HNF4G: variants seen among roughly 807,000 people sequenced by gnomAD.
HNF4G encodes hepatocyte nuclear factor 4 gamma.
Under a neutral mutation model 50.9 loss-of-function variants are expected in HNF4G, and 21 were observed. The ratio of observed to expected loss-of-function variants is 0.41; its 90% CI spans 0.29 to 0.59. The LOEUF (loss-of-function observed/expected upper bound fraction) is 0.59. Among genes scored for constraint, HNF4G ranks in the 20% least tolerant of loss-of-function variants. HNF4G has a pLI of 0.26. For missense variants in HNF4G, 527 were observed against 559.4 expected (o/e 0.94, Z 0.58); for synonymous variants, 198 against 185.6 (o/e 1.07, Z -0.54).
chr8:75,549,770 C>T (rs1372644248), intron 3 of HNF4G, among the ~76,000 whole-genome samples: 2 of 151,928 alleles, frequency 1.3e-5, no homozygotes, highest in East Asian at 1.9e-4. Context: ...TCCCCCTACC[C>T]CACAACAGTC....
chr8:75,409,507 G>A (rs1270948195), intron 1 of HNF4G, among the ~76,000 whole-genome samples: 2 of 75,070 alleles, frequency 2.7e-5, no homozygotes, highest in Non-Finnish European at 4.5e-5. Context: ...TTTTTTTTCC[G>A]AGATGAAGTC....
upstream of HNF4G, among the ~76,000 whole-genome samples, chr8:75,538,008 C>T (rs77951558): frequency 0.015 from 2,300 of 152,222 alleles, 23 homozygotes; most frequent in Middle Eastern, 0.078. Context: ...CTAAAGAAAC[C>T]GCTTCTTTTG....
intron 1 of HNF4G, among the ~76,000 whole-genome samples, chr8:75,474,981 C>G (rs560396961): frequency 6.6e-6 from 1 of 151,152 alleles, no homozygotes; most frequent in Admixed American, 6.6e-5. Flanking sequence ...CAGGTGTGAG[C>G]CACTGTGCCT....
upstream of HNF4G, among the ~76,000 whole-genome samples, chr8:75,539,239 C>T (rs1806545785): frequency 6.6e-6 from 1 of 152,116 alleles, no homozygotes; most frequent in South Asian, 2.1e-4. Flanking sequence ...AAATGCCTCC[C>T]ATGTACTAGC....
intron 3 of HNF4G, among the ~76,000 whole-genome samples, chr8:75,548,991 A>G (rs2977938): frequency 0.66 from 101,123 of 152,068 alleles, 35,510 homozygotes; most frequent in African/African-American, 0.9. Flanking sequence ...CAGTTTATGG[A>G]ACTAATTACA....
At chr8:75,416,594 A>C (rs2130475851) in intron 1 of HNF4G, among the ~76,000 whole-genome samples, 1 of 152,188 alleles carries the variant, frequency 6.6e-6, no homozygotes, top group Middle Eastern at 3.4e-3. Flanking sequence ...AATAGTAATT[A>C]TGTTTAATAT....
intron 1 of HNF4G, among the ~76,000 whole-genome samples, chr8:75,447,109 G>A (rs1187601808): frequency 1.8e-5 from 2 of 113,988 alleles, no homozygotes; most frequent in Non-Finnish European, 3.4e-5. Flanking sequence ...ACAGAACAGA[G>A]CCCTCAGAAA....
At chr8:75,491,099 T>G (rs1424424212) in intron 2 of HNF4G, among the ~76,000 whole-genome samples, 1 of 152,184 alleles carries the variant, frequency 6.6e-6, no homozygotes. Context: ...ATGAGTTCTA[T>G]GACTTTAAGC....
intron 1 of HNF4G, among the ~76,000 whole-genome samples, chr8:75,429,265 C>T (rs1810953908): frequency 1.3e-5 from 2 of 152,144 alleles, no homozygotes; most frequent in African/African-American, 4.8e-5. Context: ...CAGGTACTGA[C>T]TCAATTTAGA....
At chr8:75,465,377 C>T (rs1464275628) in intron 1 of HNF4G, among the ~76,000 whole-genome samples, 2 of 152,094 alleles carry the variant, frequency 1.3e-5, no homozygotes, top group East Asian at 3.8e-4. Flanking sequence ...TATTAATAAG[C>T]TCATGCTAAA....
intron 1 of HNF4G, among the ~76,000 whole-genome samples, chr8:75,477,698 T>G (rs1428811582): frequency 1.3e-5 from 2 of 152,116 alleles, no homozygotes; most frequent in African/African-American, 4.8e-5. Context: ...CCGGGCGTGG[T>G]GGCTCACACC....
At chr8:75,409,272 G>A (rs1585815923) in intron 1 of HNF4G, among the ~76,000 whole-genome samples, 1 of 151,996 alleles carries the variant, frequency 6.6e-6, no homozygotes, top group East Asian at 1.9e-4. Flanking sequence ...CTCCAGTTAT[G>A]GGCCCACAAA....
chr8:75,504,151 G>A (rs1813002682), intron 2 of HNF4G, among the ~76,000 whole-genome samples: 1 of 151,116 alleles, frequency 6.6e-6, no homozygotes, highest in Admixed American at 6.6e-5. Flanking sequence ...GGACCAGGAG[G>A]CACAGGTTGC....
chr8:75,411,625 A>C (rs1291986321), intron 1 of HNF4G, among the ~76,000 whole-genome samples: 1 of 152,042 alleles, frequency 6.6e-6, no homozygotes, highest in Non-Finnish European at 1.5e-5. Flanking sequence ...ACGAATAGGG[A>C]GTTCACTTTT....
At chr8:75,515,834 C>T (rs548715064) in intron 2 of HNF4G, among the ~76,000 whole-genome samples, 29 of 150,024 alleles carry the variant, frequency 1.9e-4, no homozygotes, top group Admixed American at 4.0e-4. Flanking sequence ...GGTGTGATCT[C>T]GGCTCACCAC....
chr8:75,498,465 T>G (rs1812837261), intron 2 of HNF4G, among the ~76,000 whole-genome samples: 1 of 152,108 alleles, frequency 6.6e-6, no homozygotes, highest in South Asian at 2.1e-4. Flanking sequence ...CACTGGTGAA[T>G]TCGAGCAAGT....
At chr8:75,507,441 A>G (rs996560246) in intron 2 of HNF4G, among the ~76,000 whole-genome samples, 8 of 152,074 alleles carry the variant, frequency 5.3e-5, no homozygotes, top group Admixed American at 1.3e-4. Context: ...TTGTATTTTT[A>G]ATAGAGATGG....
At chr8:75,544,246 T>G (rs1407576755) in intron 2 of HNF4G, among the ~76,000 whole-genome samples, 3 of 152,212 alleles carry the variant, frequency 2.0e-5, no homozygotes, top group African/African-American at 7.2e-5. Context: ...AGTTGAAGCC[T>G]TTAATGGACA....
At chr8:75,480,291 C>A (rs1035232055) in intron 1 of HNF4G, among the ~76,000 whole-genome samples, 1 of 152,164 alleles carries the variant, frequency 6.6e-6, no homozygotes, top group East Asian at 1.9e-4. Context: ...TAATTGTATA[C>A]GTGCATAGCC....
Sources: allele counts gnomAD v4.1 joint callset (sites outside exome capture counted in the v4.1 genomes callset), GRCh38; gene constraint gnomAD v4.1.1; transcripts MANE v1.5; gene names NCBI Gene and HGNC (gene_info 2026-07-23, HGNC 2026-07-21).